The following SLC9A4 variants were observed in gnomAD, a reference collection of about 807,000 sequenced individuals.
The protein encoded by SLC9A4 is sodium/hydrogen exchanger 4.
SLC9A4 carries 63 observed loss-of-function variants against 67.4 expected under a neutral mutation model. That is an observed-to-expected ratio of 0.93 (90% CI 0.76 to 1.15). The LOEUF is 1.15. SLC9A4 is among the 50% of genes most tolerant of loss of function. The pLI, the probability that SLC9A4 is intolerant of heterozygous loss-of-function variation, is 0.00. For synonymous variants in SLC9A4, 393 were observed against 367.2 expected, an observed-to-expected ratio of 1.07 and a Z score of -0.80; for missense variants, 1,089 against 987.7, an observed-to-expected ratio of 1.10 and a Z score of -1.38.
intron 2 of SLC9A4, among the ~76,000 whole-genome samples, chr2:102,499,045 G>A (rs1362558771): frequency 6.6e-6 from 1 of 152,178 alleles, no homozygotes; most frequent in African/African-American, 2.4e-5. Flanking sequence ...GACAGAAGCT[G>A]GATGGGACTG....
intron 4 of SLC9A4, 73 bp from the exon 5 acceptor site, chr2:102,508,006 A>G: frequency 1.4e-6 from 2 of 1,457,442 alleles, no homozygotes; most frequent in Non-Finnish European, 1.9e-6. Context: ...CGCGCACACA[A>G]CCTCAGTTCA....
At chr2:102,523,670 C>T (rs1214280657) in intron 9 of SLC9A4, among the ~76,000 whole-genome samples, 2 of 152,198 alleles carry the variant, frequency 1.3e-5, no homozygotes, top group African/African-American at 4.8e-5. Flanking sequence ...AGCCTCTACT[C>T]CTTGGCAGGC....
At chr2:102,500,543 C>T (rs1210277067) in intron 2 of SLC9A4, among the ~76,000 whole-genome samples, 1 of 152,070 alleles carries the variant, frequency 6.6e-6, no homozygotes, top group Admixed American at 6.6e-5. Flanking sequence ...TGTGGCCTCC[C>T]CCGTCAACAA....
intron 1 of SLC9A4, 97 bp downstream of exon 1, chr2:102,474,112 T>C: frequency 1.5e-6 from 2 of 1,373,136 alleles, no homozygotes; most frequent in Non-Finnish European, 2.0e-6. Context: ...GGATTTTAAC[T>C]GTTACTGCTA....
chr2:102,524,556 T>TTGTGTGTGTGTGTGTGTGTG (rs147920382), intron 9 of SLC9A4, among the ~76,000 whole-genome samples: 41 of 145,526 alleles, frequency 2.8e-4, no homozygotes, highest in East Asian at 1.4e-3. Flanking sequence ...GTGATAGGAA[T>TTGTGTGTGTGTGTGTGTGTG]TGTGTGTGTG....
At chr2:102,498,298 G>A (rs564204156) in intron 2 of SLC9A4, among the ~76,000 whole-genome samples, 4 of 152,344 alleles carry the variant, frequency 2.6e-5, no homozygotes, top group Admixed American at 1.3e-4. Context: ...TTAATTATAT[G>A]TACTACTTTA....
rs565818608 is a variant in SLC9A4, at chr2:102,479,485, C to G, written c.720+183C>G. ...CTTGGGATCTGCACTGCCTACATAA[C>G]GGTTCACTCACACTGCTTGTCATTC... On this transcript the variant is annotated intron_variant, in intron 2 of 11. Transcript: ENST00000295269. 2.6e-5 allele frequency among the ~76,000 whole-genome samples: 4 copies of G among 152,284 alleles called. No homozygotes were observed. The East Asian group carries it at 7.7e-4, about 29-fold the overall frequency.
chr2:102,511,633 G>T (rs148080680), intron 6 of SLC9A4, among the ~76,000 whole-genome samples: 1 of 151,778 alleles, frequency 6.6e-6, no homozygotes. Context: ...AACAATTTGG[G>T]TTAAAACAAA....
intron 2 of SLC9A4, among the ~76,000 whole-genome samples, chr2:102,483,841 TAC>T (rs34552153): frequency 1.0e-4 from 13 of 126,794 alleles, no homozygotes; most frequent in East Asian, 2.4e-4. Context: ...TATATATATA[TAC>T]ACACACACAA....
rs532697069 is a variant in SLC9A4 at position 102,473,702 on chromosome 2, G to A, written c.-58G>A. ...GCAGTCACTCTCTAGAAGCCTCCCCGACTTCAGATGTGTGGCACACATCCA... is the reference window on the plus strand; with the variant it reads ...GCAGTCACTCTCTAGAAGCCTCCCCAACTTCAGATGTGTGGCACACATCCA... On this transcript the variant is annotated 5_prime_UTR_variant, in exon 1 of 12. Transcript: ENST00000295269. 28 of 1,587,398 alleles carry A rather than the reference G, an allele frequency of 1.8e-5. No homozygotes were observed. The highest frequency in any genetic ancestry group is 1.0e-4 in the South Asian group (9 of 87,960).
In SLC9A4 at chr2:102,512,196, T is replaced by C. The variant is rs1380620265; in HGVS notation, c.1489-7T>C. 1.2e-6 allele frequency: 2 copies of C among 1,613,948 alleles called. No homozygotes were observed. The highest frequency in any genetic ancestry group is 1.1e-5 in the South Asian group (1 of 91,058). On this transcript the variant is annotated splice_region_variant and splice_polypyrimidine_tract_variant and intron_variant, in intron 6 of 11. Transcript: ENST00000295269. Reference sequence around the variant, plus strand: ...CCAGCAATCATTTTCTTGTGTTTGTTTGGCAGCTGATGGATCACTTAAAGG... The same window carrying C: ...CCAGCAATCATTTTCTTGTGTTTGTCTGGCAGCTGATGGATCACTTAAAGG...
At position 102,514,110 on chromosome 2, in the gene SLC9A4, G is replaced by A. The variant is rs745830954; in HGVS notation, c.1580G>A (p.Arg527Lys). 1 of 1,612,632 alleles carries A rather than the reference G, an allele frequency of 6.2e-7. No individual in the cohort carries two copies. The highest frequency in any genetic ancestry group is 8.5e-7 in the Non-Finnish European group (1 of 1,179,650). The part of the protein sequence containing the change: ...VRDKFKKFDH[R>K]YLRKILIRKN... The stretch of plus-strand genomic sequence containing the variant: ...TTTAGGTTTAAGAAGTTTGATCATA[G>A]ATACTTACGGAAAATCCTCATCAGA... The change falls in exon 8 of 12, where the codon AGA becomes AAA. Residue 527 changes from arginine (R) to lysine (K), a missense_variant. Physicochemically the swap from Arg to Lys is conservative, Grantham distance 26. Transcript: ENST00000295269.
At chr2:102,512,531 T>TA (rs1224528465) in intron 7 of SLC9A4, among the ~76,000 whole-genome samples, 2 of 152,100 alleles carry the variant, frequency 1.3e-5, no homozygotes, top group Non-Finnish European at 2.9e-5. Context: ...ATTAGAAAAG[T>TA]AATATTTAAG....
At chr2:102,485,238 T>G (rs1400076657) in intron 2 of SLC9A4, among the ~76,000 whole-genome samples, 1 of 152,206 alleles carries the variant, frequency 6.6e-6, no homozygotes, top group Non-Finnish European at 1.5e-5. Flanking sequence ...CTCATAGAAG[T>G]CATTTATCTA....
chr2:102,493,298 T>G (rs111742203), intron 2 of SLC9A4, among the ~76,000 whole-genome samples: 14,239 of 151,860 alleles, frequency 0.094, 965 homozygotes, highest in Middle Eastern at 0.17. Context: ...CTGTACCAAT[T>G]TACTGCATTA....
intron 8 of SLC9A4, among the ~76,000 whole-genome samples, chr2:102,517,369 T>C (rs1291477195): frequency 6.6e-6 from 1 of 152,204 alleles, no homozygotes; most frequent in Non-Finnish European, 1.5e-5. Flanking sequence ...TGGAACTTCA[T>C]CCTATGATAT....
chr2:102,500,738 T>C (rs772650472), intron 2 of SLC9A4, among the ~76,000 whole-genome samples: 12 of 152,204 alleles, frequency 7.9e-5, no homozygotes, highest in Middle Eastern at 3.4e-3. Flanking sequence ...AATATGTCCA[T>C]CCCATAACCT....
chr2:102,521,743 T>C (rs1421416851), intron 9 of SLC9A4, among the ~76,000 whole-genome samples: 1 of 152,138 alleles, frequency 6.6e-6, no homozygotes, highest in Non-Finnish European at 1.5e-5. Context: ...TCACAAAGGG[T>C]GTACATTAGC....
intron 4 of SLC9A4, among the ~76,000 whole-genome samples, chr2:102,507,486 CTGTT>C (rs1685073492): frequency 6.6e-6 from 1 of 152,118 alleles, no homozygotes; most frequent in East Asian, 1.9e-4. Context: ...CCTAAACCTT[CTGTT>C]TGAGAAGCTC....
Sources: gnomAD v4.1 joint callset for allele counts (sites outside exome capture counted in the v4.1 genomes callset) on GRCh38, gnomAD v4.1.1 for gene constraint, MANE v1.5 for transcripts, NCBI Gene and HGNC (gene_info 2026-07-23, HGNC 2026-07-21) for gene names.